Variants in FMNL1 observed in about 807,000 individuals in gnomAD.
FMNL1 encodes formin-like protein 1.
FMNL1 carries 43 observed loss-of-function variants against 121.3 expected under a neutral mutation model. The observed-to-expected ratio is 0.35, with a 90% CI of 0.28 to 0.46. FMNL1 has a LOEUF of 0.46. FMNL1 is among the 20% of genes least tolerant of loss of function. The pLI, the probability that FMNL1 is intolerant of heterozygous loss-of-function variation, is 1.00. For missense variants in FMNL1, 1,191 were observed against 1,482.4 expected, an observed-to-expected ratio of 0.80 and a Z score of 3.23; for synonymous variants, 613 against 613.5, an observed-to-expected ratio of 1.00 and a Z score of 0.01.
rs58221219 is a variant in FMNL1, at chr17:45,234,663, CAAA to C, written c.614+485_614+487del. The stretch of plus-strand genomic sequence containing the variant: ...TGGGTGACAGAGTGAGACCCTGTCT[CAAA>C]AAAAAAAAAAAAAAAAAAAAAGAAA... On this transcript the variant is annotated intron_variant, in intron 6 of 26. Transcript: ENST00000331495. The C allele has an allele frequency of 5.4e-4, 37 of 69,138 alleles. No individual in the cohort carries two copies. In the South Asian group the frequency reaches 5.5e-3, roughly 10 times the overall value. The allele number at this position is 69,138 out of a possible 1,614,324, so 4.3% of individuals were successfully genotyped here. A position where few individuals can be genotyped will look rare whatever the true frequency, so the allele number is the denominator to read the frequency against.
chr17:45,241,856 C>T lies in FMNL1; in HGVS notation c.1595C>T (p.Pro532Leu). The T allele has an allele frequency of 7.0e-7, 1 of 1,431,182 alleles. No individual in the cohort carries two copies. 88.7% of individuals were successfully genotyped at this position (1,431,182 alleles called of 1,614,324 possible). Residue 532 changes from proline (P) to leucine (L), a missense_variant, in exon 15 of 27, where the codon CCT (proline) becomes CTT (leucine). By Grantham distance (98) the Pro-to-Leu change is moderately conservative. Around this residue, in one of 4 missense-constraint regions of FMNL1, gnomAD observed 519 missense variants for 492.8 expected, o/e 1.05. Coordinates refer to ENST00000331495, the MANE Select transcript of FMNL1 (RefSeq NM_005892.4). This position sits in a 1 kb window ranked among gnomAD's most constrained non-coding sequence, Gnocchi z 7.0. ...PTGSPSPDLA[P>L]AAEPAPGAAP... ...GCCCTCGCTGGCTCAGATCTCGCACCTGCAGCAGAGCCGGCTCCCGGAGCA... is the reference window on the plus strand; with the variant it reads ...GCCCTCGCTGGCTCAGATCTCGCACTTGCAGCAGAGCCGGCTCCCGGAGCA...
intron 1 of FMNL1, among the ~76,000 whole-genome samples, chr17:45,226,175 G>GA (rs1201426970): frequency 3.9e-5 from 6 of 152,200 alleles, no homozygotes; most frequent in African/African-American, 1.4e-4. Context: ...GGCCCAGACC[G>GA]AAAACTGCCT....
intron 11 of FMNL1, 53 bp from the exon 12 acceptor site, chr17:45,240,423 T>TCCC (rs199524034): frequency 6.7e-6 from 10 of 1,500,712 alleles, no homozygotes; most frequent in South Asian, 5.4e-5. Context: ...TTGGAAAGAC[T>TCCC]CCCCCCCACA....
intron 1 of FMNL1, among the ~76,000 whole-genome samples, chr17:45,227,927 T>C (rs1483006180): frequency 6.6e-6 from 1 of 152,126 alleles, no homozygotes; most frequent in Non-Finnish European, 1.5e-5. Context: ...GTCCTCCATG[T>C]GGCAGCTCAT....
chr17:45,238,454 C>T (rs1469031469), intron 9 of FMNL1, 110 bp from the exon 10 acceptor site: 2 of 1,116,640 alleles, frequency 1.8e-6, no homozygotes, highest in African/African-American at 1.5e-5. Flanking sequence ...TGACGTGGCT[C>T]AACTTAGAAT....
chr17:45,240,828 C>CCACA, intron 12 of FMNL1: 1 of 806,966 alleles, frequency 1.2e-6, no homozygotes, highest in East Asian at 2.7e-5. Context: ...GGGTGAGCAC[C>CCACA]CTCACTGACA....
In FMNL1 at chr17:45,234,088, A is replaced by G; in HGVS notation, c.502A>G (p.Thr168Ala). Residue 168 changes from threonine (T) to alanine (A), a missense_variant, in exon 6 of 27, where the codon ACA becomes GCA. Thr to Ala is a moderately conservative substitution (Grantham distance 58, BLOSUM62 0). This residue lies in a region of FMNL1 where 253 missense variants were observed against 417.5 expected (regional missense o/e 0.61). Transcript: ENST00000331495. The stretch of plus-strand genomic sequence containing the variant: ...TGTCCCCAGGTATGACATGGAGAGC[A>G]CAGACAACGGGGCTTCCAACTCAGA... ...QCSVTYDMES[T>A]DNGASNSEKN... 6.2e-7 allele frequency: 1 copy of G among 1,614,148 alleles called. No individual in the cohort carries two copies. The highest frequency in any genetic ancestry group is 8.5e-7 in the Non-Finnish European group (1 of 1,180,026).
chr17:45,246,579 G>A lies in FMNL1; in HGVS notation c.3286G>A (p.Glu1096Lys). 6.2e-7 allele frequency: 1 copy of A among 1,608,738 alleles called. No homozygotes were observed. The highest frequency in any genetic ancestry group is 8.5e-7 in the Non-Finnish European group (1 of 1,176,242). The change falls in exon 26 of 27, where the codon GAA becomes AAA. Residue 1096 changes from glutamate (E) to lysine (K), a missense_variant. Around this residue, in one of 4 missense-constraint regions of FMNL1, gnomAD observed 367 missense variants for 528.6 expected, o/e 0.69. Coordinates refer to ENST00000331495, the MANE Select transcript of FMNL1 (RefSeq NM_005892.4). ...GCTCCTCTGTGAGGCCAGCCTGGGAGAAGAGATGCCCCTCTAGCCCCTCAG... is the reference window on the plus strand; with the variant it reads ...GCTCCTCTGTGAGGCCAGCCTGGGAAAAGAGATGCCCCTCTAGCCCCTCAG... Reference protein sequence around the residue: ...SRLLCEASLGEEMPL With the variant: ...SRLLCEASLGKEMPL
chr17:45,233,374 C>T lies in FMNL1; in HGVS notation c.401+77C>T, dbSNP rs1229507182. The T allele has an allele frequency of 1.4e-6, 2 of 1,429,254 alleles. No individual in the cohort carries two copies. The highest frequency in any genetic ancestry group is 1.4e-5 in the African/African-American group (1 of 70,370). 88.5% of individuals were successfully genotyped at this position (1,429,254 alleles called of 1,614,324 possible). On this transcript the variant is annotated intron_variant, in intron 4 of 26. Transcript: ENST00000331495. This position sits in a 1 kb window ranked among gnomAD's most constrained non-coding sequence, Gnocchi z 4.1. ...AGGCAGCTCCTGGAGCTTCCCCTTC[C>T]TACTCCCCCTGCCCCCTGCACAAGG...
intron 18 of FMNL1, 24 bp from the exon 19 acceptor site, chr17:45,244,151 CT>C: frequency 6.2e-7 from 1 of 1,611,812 alleles, no homozygotes; most frequent in Non-Finnish European, 8.5e-7. Flanking sequence ...TCCAACTTAT[CT>C]TACCTCCCCC....
chr17:45,223,793 G>C (rs977332588), intron 1 of FMNL1, among the ~76,000 whole-genome samples: 5 of 152,216 alleles, frequency 3.3e-5, no homozygotes, highest in Admixed American at 2.0e-4. Context: ...CTATGGTCGC[G>C]GGTGTGGGCT....
intron 15 of FMNL1, 51 bp downstream of exon 15, chr17:45,242,197 G>A (rs1293692086): frequency 2.0e-6 from 3 of 1,532,254 alleles, no homozygotes; most frequent in Non-Finnish European, 2.6e-6. Context: ...GATGGAGGGA[G>A]GGGCCTGGGC....
intron 1 of FMNL1, among the ~76,000 whole-genome samples, 177 bp downstream of exon 1, chr17:45,222,430 A>C: frequency 6.7e-6 from 1 of 149,152 alleles, no homozygotes; most frequent in Non-Finnish European, 1.5e-5. Flanking sequence ...GTGACTTAGC[A>C]CTCTCCCCCC....
rs773674774 is a variant in FMNL1, at chr17:45,245,779, C to G, written c.2994+46C>G. ...CTGGGAGCCCTGTAGGGCACTGAAG[C>G]CTTTCTACTGGGCAGCGGAGGGGTG... On this transcript the variant is annotated intron_variant, in intron 23 of 26. Transcript: ENST00000331495. The G allele has an allele frequency of 1.3e-5, 21 of 1,611,532 alleles. No homozygotes were observed. The Admixed American group carries it at 1.5e-4, about 12-fold the overall frequency.
chr17:45,245,124 A>C lies in FMNL1; in HGVS notation c.2728+16A>C, dbSNP rs1261116875. ...GCGGGCTCAGGTAGGAGACACACAGATCCTTGGGTGTGGGGAGGGGCCGTG... is the reference window on the plus strand; with the variant it reads ...GCGGGCTCAGGTAGGAGACACACAGCTCCTTGGGTGTGGGGAGGGGCCGTG... On this transcript the variant is annotated intron_variant, in intron 21 of 26. Coordinates refer to ENST00000331495, the MANE Select transcript of FMNL1 (RefSeq NM_005892.4). 2 of 1,613,222 alleles carry C rather than the reference A, an allele frequency of 1.2e-6. No homozygotes were observed. The highest frequency in any genetic ancestry group is 1.7e-6 in the Non-Finnish European group (2 of 1,179,364).
At chr17:45,232,737 C>T in intron 3 of FMNL1, 2 of 603,810 alleles carry the variant, frequency 3.3e-6, no homozygotes, top group Admixed American at 2.3e-5. Flanking sequence ...TACACATGTG[C>T]AGCCCATATG....
chr17:45,241,123 C>T lies in FMNL1; in HGVS notation c.1231-6C>T, dbSNP rs1265025816. On this transcript the variant is annotated splice_region_variant and splice_polypyrimidine_tract_variant and intron_variant, in intron 12 of 26. Coordinates refer to ENST00000331495, the MANE Select transcript of FMNL1 (RefSeq NM_005892.4). The surrounding 1 kb of genome is among the most constrained non-coding windows in gnomAD (Gnocchi z 7.0). ...GGTCGGGGCTCACCATGTGCTGGTG[C>T]TACAGCTGACAGAGCGGCTTCGGGA... 1 of 1,613,886 alleles carries T rather than the reference C, an allele frequency of 6.2e-7. No homozygotes were observed. The highest frequency in any genetic ancestry group is 8.5e-7 in the Non-Finnish European group (1 of 1,179,920).
chr17:45,234,585 G>A (rs2043510343), intron 6 of FMNL1: 1 of 306,798 alleles, frequency 3.3e-6, no homozygotes, highest in Non-Finnish European at 6.3e-6. Flanking sequence ...AATCGCTGGA[G>A]CCCAGGGGAT....
chr17:45,232,594 A>AGT (rs370739561), intron 3 of FMNL1, 114 bp downstream of exon 3: 48 of 908,354 alleles, frequency 5.3e-5, no homozygotes, highest in Non-Finnish European at 7.0e-5. Context: ...TGCATGTATG[A>AGT]GTGTGTGTGT....
Sources: allele counts gnomAD v4.1 joint callset (sites outside exome capture counted in the v4.1 genomes callset), GRCh38; gene constraint gnomAD v4.1.1; regional missense constraint gnomAD v4.1.1; non-coding constraint Gnocchi (gnomAD v3.1); transcripts MANE v1.5; gene names NCBI Gene and HGNC (gene_info 2026-07-23, HGNC 2026-07-21).